Variants in SUMF1 observed in about 807,000 individuals in gnomAD.
The protein encoded by SUMF1 is formylglycine-generating enzyme.
In SUMF1, 48 loss-of-function variants were observed where a neutral mutation model predicts 47.6. That is an observed-to-expected ratio of 1.01 (90% CI 0.80 to 1.28). The LOEUF is 1.28. SUMF1 is among the 50% of genes most tolerant of loss of function. The pLI, the probability that SUMF1 is intolerant of heterozygous loss-of-function variation, is 0.00. For synonymous variants in SUMF1, 230 were observed against 192.1 expected, an observed-to-expected ratio of 1.20 and a Z score of -1.63; for missense variants, 571 against 485.4, an observed-to-expected ratio of 1.18 and a Z score of -1.66.
chr3:4,438,818 G>A (rs1299322687), intron 3 of SUMF1, among the ~76,000 whole-genome samples: 1 of 152,076 alleles, frequency 6.6e-6, no homozygotes. Context: ...TAATGGATAT[G>A]TATAGAATAT....
intron 8 of SUMF1, among the ~76,000 whole-genome samples, chr3:4,069,572 G>A (rs965173723): frequency 3.9e-5 from 6 of 152,138 alleles, no homozygotes; most frequent in African/African-American, 1.4e-4. Context: ...TGCCCCATGA[G>A]CACATGTGTG....
intron 3 of SUMF1, among the ~76,000 whole-genome samples, chr3:4,438,202 C>T (rs1022771832): frequency 6.9e-6 from 1 of 144,480 alleles, no homozygotes; most frequent in Non-Finnish European, 1.5e-5. Context: ...AAAAATATTT[C>T]AATATTAATT....
intron 7 of SUMF1, among the ~76,000 whole-genome samples, chr3:4,408,112 C>T (rs73125445): frequency 4.0e-4 from 61 of 152,206 alleles, no homozygotes; most frequent in African/African-American, 1.4e-3. Flanking sequence ...GCTAGTCAGC[C>T]AAAACTAACC....
chr3:4,147,938 G>A (rs941287489), intron 8 of SUMF1, among the ~76,000 whole-genome samples: 1 of 151,870 alleles, frequency 6.6e-6, no homozygotes, highest in African/African-American at 2.4e-5. Flanking sequence ...TTTTCCACCT[G>A]AAGATAAGCA....
At chr3:4,073,794 C>T (rs1272459127) in intron 8 of SUMF1, among the ~76,000 whole-genome samples, 1 of 152,038 alleles carries the variant, frequency 6.6e-6, no homozygotes. Flanking sequence ...GCTAACTATC[C>T]TAAATATACA....
chr3:4,056,986 T>A (rs1695203231), intron 9 of SUMF1, among the ~76,000 whole-genome samples: 1 of 152,106 alleles, frequency 6.6e-6, no homozygotes, highest in South Asian at 2.1e-4. Context: ...GACCTCGTGA[T>A]CCACCCACCT....
chr3:4,110,116 TTTCTGTTTGTTAGTTTTCC>T (rs1217068192), intron 8 of SUMF1, among the ~76,000 whole-genome samples: 1 of 152,168 alleles, frequency 6.6e-6, no homozygotes, highest in Non-Finnish European at 1.5e-5. Context: ...GTGGATGTCC[TTTCTGTTTGTTAGTTTTCC>T]TTCTGACAGT....
At chr3:4,070,043 C>T (rs889107558) in intron 8 of SUMF1, among the ~76,000 whole-genome samples, 23 of 152,272 alleles carry the variant, frequency 1.5e-4, no homozygotes, top group Non-Finnish European at 2.9e-4. Flanking sequence ...ACTTAGTCTC[C>T]ACAATCCTTT....
intron 8 of SUMF1, among the ~76,000 whole-genome samples, chr3:4,240,079 T>C (rs1049468352): frequency 6.6e-6 from 1 of 152,184 alleles, no homozygotes; most frequent in Non-Finnish European, 1.5e-5. Flanking sequence ...TTTATTGATT[T>C]GTATATGTTG....
At chr3:4,377,498 A>G (rs1472162651) in intron 7 of SUMF1, among the ~76,000 whole-genome samples, 2 of 152,176 alleles carry the variant, frequency 1.3e-5, no homozygotes, top group Non-Finnish European at 2.9e-5. Context: ...GCTCTGAGGC[A>G]CTCCACTGCG....
At chr3:4,267,857 A>T (rs1255115995) in intron 8 of SUMF1, among the ~76,000 whole-genome samples, 1 of 149,116 alleles carries the variant, frequency 6.7e-6, no homozygotes. Flanking sequence ...AACTAGAAAT[A>T]CCATTTGACC....
chr3:4,137,492 G>A (rs553715893), intron 8 of SUMF1, among the ~76,000 whole-genome samples: 3 of 152,038 alleles, frequency 2.0e-5, no homozygotes, highest in South Asian at 2.1e-4. Context: ...GGAAGGGGGC[G>A]GGAGAGCATT....
intron 8 of SUMF1, among the ~76,000 whole-genome samples, chr3:4,272,082 T>C (rs1025998172): frequency 6.6e-6 from 1 of 152,228 alleles, no homozygotes; most frequent in Non-Finnish European, 1.5e-5. Context: ...TGACCCGGAC[T>C]GGAATTTGGC....
chr3:4,265,833 G>C (rs947455215), intron 8 of SUMF1, among the ~76,000 whole-genome samples: 3 of 152,094 alleles, frequency 2.0e-5, no homozygotes, highest in African/African-American at 7.2e-5. Flanking sequence ...GTAATGCCTA[G>C]GTTTTCTCCT....
At chr3:4,207,248 C>T (rs184993935) in intron 8 of SUMF1, among the ~76,000 whole-genome samples, 33 of 152,182 alleles carry the variant, frequency 2.2e-4, no homozygotes, top group Middle Eastern at 3.4e-3. Context: ...TTAAGATTTC[C>T]TACATACAAA....
At chr3:4,244,207 A>C (rs1696608496) in intron 8 of SUMF1, among the ~76,000 whole-genome samples, 1 of 152,084 alleles carries the variant, frequency 6.6e-6, no homozygotes, top group Admixed American at 6.6e-5. Flanking sequence ...TCTTTACTCT[A>C]TCCAACTTGC....
chr3:4,347,711 G>C (rs1015977636), intron 8 of SUMF1, among the ~76,000 whole-genome samples: 4 of 152,092 alleles, frequency 2.6e-5, no homozygotes, highest in Non-Finnish European at 4.4e-5. Context: ...AGAAATAAAG[G>C]GTATTCAATA....
chr3:4,248,114 T>C (rs878873559), intron 8 of SUMF1, among the ~76,000 whole-genome samples: 2 of 152,344 alleles, frequency 1.3e-5, no homozygotes, highest in Admixed American at 1.3e-4. Context: ...ATTTTAAAGA[T>C]TAACTGATAT....
At chr3:4,307,324 G>A (rs951710937) in intron 8 of SUMF1, among the ~76,000 whole-genome samples, 18 of 152,134 alleles carry the variant, frequency 1.2e-4, no homozygotes, top group Non-Finnish European at 2.4e-4. Flanking sequence ...TGTGTGCCTT[G>A]TCCTATGGAT....
Sources: gnomAD v4.1 joint callset for allele counts (sites outside exome capture counted in the v4.1 genomes callset) on GRCh38, gnomAD v4.1.1 for gene constraint, MANE v1.5 for transcripts, NCBI Gene and HGNC (gene_info 2026-07-23, HGNC 2026-07-21) for gene names.